Variants in VWF observed in about 807,000 individuals in gnomAD.
VWF encodes the protein von Willebrand factor.
In VWF, 176 loss-of-function variants were observed where a neutral mutation model predicts 308.6. The observed-to-expected ratio is 0.57, with a 90% CI of 0.50 to 0.65. The LOEUF is 0.65. VWF is among the 30% of genes least tolerant of loss of function. The pLI, the probability that VWF is intolerant of heterozygous loss-of-function variation, is 0.00. For synonymous variants in VWF, 1,385 were observed against 1,443.4 expected (o/e 0.96, Z 0.92); for missense variants, 3,146 against 3,648.2 (o/e 0.86, Z 3.55).
At position 6,058,458 on chromosome 12, in the gene VWF, C is replaced by T. The variant is rs1006478342; in HGVS notation, c.1534-414G>A. ...TCCACACCAGTGGGCCTGACCCCCCCACCCAGAGTTACGTGCAAACTCAAG... is the reference window on the plus strand; with the variant it reads ...TCCACACCAGTGGGCCTGACCCCCCTACCCAGAGTTACGTGCAAACTCAAG... On this transcript the variant is annotated intron_variant, in intron 13 of 51. Coordinates refer to ENST00000261405, the MANE Select transcript of VWF (RefSeq NM_000552.5). This position sits in a 1 kb window ranked among gnomAD's most constrained non-coding sequence, Gnocchi z 4.9. Among the ~76,000 whole-genome samples the T allele has an allele frequency of 4.6e-5, 7 of 152,204 alleles. No homozygotes were observed. Among genetic ancestry groups the T allele is most frequent in the Admixed American group, 4.6e-4 (7 of 15,286 alleles).
In VWF at chr12:6,019,007, G is replaced by T. The variant is rs768264558; in HGVS notation, c.4411C>A (p.Pro1471Thr). Residue 1471 changes from proline (P) to threonine (T), a missense_variant, in exon 28 of 52, where the codon CCC (proline) becomes ACC (threonine). Coordinates refer to ENST00000261405, the MANE Select transcript of VWF (RefSeq NM_000552.5). The surrounding 1 kb of genome is among the most constrained non-coding windows in gnomAD (Gnocchi z 5.8). ...CCCACAGTGACTTGTGCCATGTCGGGGGGCAGAGTAGGAGGAGGGGCTTCA... is the reference window on the plus strand; with the variant it reads ...CCCACAGTGACTTGTGCCATGTCGGTGGGCAGAGTAGGAGGAGGGGCTTCA... ...APEAPPPTLPPDMAQVTVGPG... is the reference protein window; with the variant it reads ...APEAPPPTLPTDMAQVTVGPG... 21 of 1,613,798 alleles carry T rather than the reference G, an allele frequency of 1.3e-5. No individual in the cohort carries two copies. The highest frequency in any genetic ancestry group is 5.0e-5 in the Admixed American group (3 of 59,992).
At chr12:5,973,597 C>A (rs999573209) in intron 43 of VWF, among the ~76,000 whole-genome samples, 2 of 152,266 alleles carry the variant, frequency 1.3e-5, no homozygotes, top group Admixed American at 1.3e-4. Context: ...GCTCTGGGCT[C>A]GGGTCAGGAC....
chr12:5,961,999 T>G (rs1943323463), intron 47 of VWF, among the ~76,000 whole-genome samples: 1 of 151,794 alleles, frequency 6.6e-6, no homozygotes, highest in Non-Finnish European at 1.5e-5. Flanking sequence ...CCCTAGTGCC[T>G]TTTGCCTTTC....
chr12:6,122,250 ATT>A (rs879768933), intron 2 of VWF, among the ~76,000 whole-genome samples: 2 of 152,146 alleles, frequency 1.3e-5, no homozygotes, highest in Admixed American at 1.3e-4. Flanking sequence ...GGTTTCTAGC[ATT>A]TTTCCATGTT....
At chr12:5,975,229 C>T (rs1943520653) in intron 43 of VWF, among the ~76,000 whole-genome samples, 1 of 152,232 alleles carries the variant, frequency 6.6e-6, no homozygotes, top group African/African-American at 2.4e-5. Flanking sequence ...CCATTCACCT[C>T]GAAAACACCT....
chr12:6,034,953 G>A, intron 19 of VWF, 127 bp from the exon 20 acceptor site: 7 of 1,206,862 alleles, frequency 5.8e-6, no homozygotes, highest in Middle Eastern at 1.9e-4. Context: ...GAAGCCCAAG[G>A]AAGTTGAGGA....
intron 38 of VWF, among the ~76,000 whole-genome samples, chr12:5,987,978 T>C (rs1943697842): frequency 6.6e-6 from 1 of 152,218 alleles, no homozygotes; most frequent in Admixed American, 6.5e-5. Context: ...GTTTGTGGCA[T>C]GTAAATTATA....
At position 6,060,328 on chromosome 12, in the gene VWF, C is replaced by T. The variant is rs114046011; in HGVS notation, c.1534-2284G>A. Among the ~76,000 whole-genome samples, 2,103 of 152,162 alleles carry T rather than the reference C, an allele frequency of 0.014. 61 individuals carry two copies. The highest frequency in any genetic ancestry group is 0.047 in the African/African-American group (1,932 of 41,526). ...CTGGCTGGAGCCTTGCTGCCTGGAC[C>T]GCCAGCCCCACGGGGACAAAGCGTA... On this transcript the variant is annotated intron_variant, in intron 13 of 51. Coordinates refer to ENST00000261405, the MANE Select transcript of VWF (RefSeq NM_000552.5). The surrounding 1 kb of genome is among the most constrained non-coding windows in gnomAD (Gnocchi z 5.1).
chr12:5,983,401 GGATAGATAGATA>G (rs58264371), intron 40 of VWF, 147 bp from the exon 41 acceptor site: 5 of 480,132 alleles, frequency 1.0e-5, no homozygotes, highest in Middle Eastern at 9.5e-4. Context: ...ACATGGGTTA[GGATAGATAGATA>G]GATAGATAGA....
chr12:6,072,103 C>T lies in VWF; in HGVS notation c.1109+228G>A, dbSNP rs369057433. 3.3e-4 allele frequency among the ~76,000 whole-genome samples: 50 copies of T among 152,274 alleles called. 1 individual carries two copies. The South Asian group carries it at 9.3e-3, about 28-fold the overall frequency. On this transcript the variant is annotated intron_variant, in intron 9 of 51. Transcript: ENST00000261405. The stretch of plus-strand genomic sequence containing the variant: ...ATGTCTGCACGTGAAGGATCCTGCC[C>T]TTCCTGACCTCCCCATCTTCAAGGC...
chr12:6,019,665 C>A lies in VWF; in HGVS notation c.3753G>T (p.Pro1251=). 3.1e-6 allele frequency: 5 copies of A among 1,613,818 alleles called. No individual in the cohort carries two copies. The highest frequency in any genetic ancestry group is 4.2e-6 in the Non-Finnish European group (5 of 1,179,834). Residue 1251 remains proline, a synonymous_variant, in exon 28 of 52, where the codon CCG becomes CCT. Transcript: ENST00000261405. This position sits in a 1 kb window ranked among gnomAD's most constrained non-coding sequence, Gnocchi z 5.8. ...CCACATACAGAGTGGTGGGGCTCAC[C>A]GGGGCATCTGTGGGAGGCACCACCA... ...GGLVVPPTDA[P]VSPTTLYVED... is the part of the protein sequence containing the mutation.
chr12:6,009,448 C>T (rs1420640662), intron 34 of VWF, among the ~76,000 whole-genome samples: 2 of 151,848 alleles, frequency 1.3e-5, no homozygotes, highest in Non-Finnish European at 1.5e-5. Flanking sequence ...CACACACACA[C>T]ACACACACAC....
Position 6,019,383 on chromosome 12 carries a change from G to A in VWF, c.4035C>T (p.Ser1345=), listed in dbSNP as rs565230241. Residue 1345 remains serine, a synonymous_variant, in exon 28 of 52, where the codon AGC becomes AGT. Transcript: ENST00000261405. This position sits in a 1 kb window ranked among gnomAD's most constrained non-coding sequence, Gnocchi z 5.8. ...KRPSELRRIA[S]QVKYAGSQVA... The stretch of plus-strand genomic sequence containing the variant: ...CCTGGCTGCCCGCATACTTCACCTG[G>A]CTGGCAATGCGCCGCAGCTCTGACG... 60 of 1,613,946 alleles carry A rather than the reference G, an allele frequency of 3.7e-5. No individual in the cohort carries two copies. The South Asian group carries it at 6.3e-4, about 17-fold the overall frequency.
chr12:5,970,465 T>TCAGCCCCACCAGGATGGGG (rs1180497371), intron 44 of VWF, among the ~76,000 whole-genome samples: 1 of 152,102 alleles, frequency 6.6e-6, no homozygotes, highest in Non-Finnish European at 1.5e-5. Flanking sequence ...GGACCAGCTC[T>TCAGCCCCACCAGGATGGGG]CAGCCCCACC....
Position 6,018,892 on chromosome 12 carries a change from A to G in VWF, c.4526T>C (p.Ile1509Thr), listed in dbSNP as rs770750061. 1 of 1,613,678 alleles carries G rather than the reference A, an allele frequency of 6.2e-7. No homozygotes were observed. The highest frequency in any genetic ancestry group is 8.5e-7 in the Non-Finnish European group (1 of 1,179,842). ...GCTCCTGTTGAAGTCGGCTTCACCA[A>G]TTTTGTCCGATCCTTCCAGGACGAA... ...VAFVLEGSDKIGEADFNRSKE... is the reference protein window; with the variant it reads ...VAFVLEGSDKTGEADFNRSKE... The change falls in exon 28 of 52, where the codon ATT (isoleucine) becomes ACT (threonine). Residue 1509 changes from isoleucine to threonine, a missense_variant. Transcript: ENST00000261405.
At chr12:6,117,807 G>A (rs537258981) in intron 3 of VWF, among the ~76,000 whole-genome samples, 25 of 152,254 alleles carry the variant, frequency 1.6e-4, no homozygotes, top group African/African-American at 4.8e-4. Context: ...TGGACAACAC[G>A]AGCGAGATTC....
rs1944807566 is a variant in VWF, at chr12:6,073,740, G to T, written c.876C>A (p.Ser292Arg). ...ACTCCATACCAGCAGGGCACACTGG[G>T]CCTGAAAAGGAACATCAAAGGGGTC... ...LYGWTDHSACSPVCPAGMEYR... is the reference protein window; with the variant it reads ...LYGWTDHSACRPVCPAGMEYR... Residue 292 changes from serine to arginine, a missense_variant and splice_region_variant, in exon 8 of 52, where the codon AGC becomes AGA. Around this residue, in one of 3 missense-constraint regions of VWF, gnomAD observed 1,304 missense variants for 1,353.0 expected, o/e 0.96. Transcript: ENST00000261405. 6.2e-7 allele frequency: 1 copy of T among 1,613,772 alleles called. No homozygotes were observed. The highest frequency in any genetic ancestry group is 8.5e-7 in the Non-Finnish European group (1 of 1,179,992).
At chr12:6,027,882 A>ACACACACACC (rs1390775712) in intron 22 of VWF, among the ~76,000 whole-genome samples, 11 of 146,984 alleles carry the variant, frequency 7.5e-5, no homozygotes. Context: ...ACACACACAC[A>ACACACACACC]CCCCTAAACA....
At chr12:6,071,726 G>A (rs899409339) in intron 9 of VWF, among the ~76,000 whole-genome samples, 1 of 152,182 alleles carries the variant, frequency 6.6e-6, no homozygotes, top group Non-Finnish European at 1.5e-5. Context: ...GGCGGTGGCC[G>A]ACTGAGAACC....
Sources: allele counts gnomAD v4.1 joint callset (sites outside exome capture counted in the v4.1 genomes callset), GRCh38; gene constraint gnomAD v4.1.1; regional missense constraint gnomAD v4.1.1; non-coding constraint Gnocchi (gnomAD v3.1); transcripts MANE v1.5; gene names NCBI Gene and HGNC (gene_info 2026-07-23, HGNC 2026-07-21).